Variants in ZFYVE26 observed in about 807,000 individuals in gnomAD.
The protein encoded by ZFYVE26 is zinc finger FYVE domain-containing protein 26.
Under a neutral mutation model 276.5 loss-of-function variants are expected in ZFYVE26, and 181 were observed. The ratio of observed to expected loss-of-function variants is 0.65; its 90% CI spans 0.58 to 0.74. The LOEUF is 0.74. Ranked by LOEUF, ZFYVE26 falls within the 30% of genes least tolerant of loss-of-function variation. The pLI, the probability that ZFYVE26 is intolerant of heterozygous loss-of-function variation, is 0.00. For missense variants in ZFYVE26, 2,821 were observed against 3,097.9 expected, an observed-to-expected ratio of 0.91 and a Z score of 2.12; for synonymous variants, 1,129 against 1,203.1, an observed-to-expected ratio of 0.94 and a Z score of 1.27.
chr14:67,742,842 T>C (rs867396371), downstream of ZFYVE26, among the ~76,000 whole-genome samples: 129 of 69,098 alleles, frequency 1.9e-3, no homozygotes, highest in South Asian at 0.021. Flanking sequence ...CTTCTTCTTT[T>C]TTTTTTTTTT....
rs148552744 is a variant in ZFYVE26 at position 67,782,888 on chromosome 14, C to T, written c.4264G>A (p.Val1422Met). ...AGGGCCCGGGACCAATCTCTGGCCA[C>T]CAAGGATTCCTCAAAAGCCTCACTC... ...VLSEAFEESL[V>M]ARDWSRALQL... is the part of the protein sequence containing the mutation. Residue 1422 changes from valine (V) to methionine (M), a missense_variant, in exon 21 of 42, where the codon GTG (valine) becomes ATG (methionine). By Grantham distance (21) the Val-to-Met change is conservative. Coordinates refer to ENST00000347230, the MANE Select transcript of ZFYVE26 (RefSeq NM_015346.4). The T allele has an allele frequency of 4.6e-4, 744 of 1,614,214 alleles. 4 individuals are homozygous for T. The African/African-American group carries it at 9.0e-3, about 20-fold the overall frequency.
intron 13 of ZFYVE26, among the ~76,000 whole-genome samples, chr14:67,737,159 G>A (rs746923540): frequency 6.7e-6 from 1 of 148,874 alleles, no homozygotes. Context: ...GAATTCCTGG[G>A]CTCAAGCAAT....
At position 67,786,837 on chromosome 14, in the gene ZFYVE26, C is replaced by T. The variant is rs1323493297; in HGVS notation, c.3020-604G>A. 2.6e-5 allele frequency among the ~76,000 whole-genome samples: 4 copies of T among 152,180 alleles called. No homozygotes were observed. The South Asian group carries it at 6.2e-4, about 24-fold the overall frequency. ...ATAAAGAAAATGTGATACATATACA[C>T]AATGGAGTACTATACAGTTATGGAA... is the stretch of plus-strand genomic sequence containing the variant. On this transcript the variant is annotated intron_variant, in intron 16 of 41. Transcript: ENST00000347230.
Position 67,807,654 on chromosome 14 carries a change from C to G in ZFYVE26, c.630G>C (p.Val210=), listed in dbSNP as rs769763847. The part of the protein sequence containing the change: ...ALRALQGPDS[V]PPGVVDAIYG... ...AGATGGCATCGACTACCCCAGGGGG[C>G]ACCGAATCAGGGCCCTGCAAAGCCC... Residue 210 remains valine (V), a synonymous_variant, in exon 5 of 42, where the codon GTG becomes GTC. Transcript: ENST00000347230. 1 of 1,614,180 alleles carries G rather than the reference C, an allele frequency of 6.2e-7. No individual in the cohort carries two copies.
intron 13 of ZFYVE26, among the ~76,000 whole-genome samples, chr14:67,738,807 T>TC (rs758648567): frequency 5.9e-5 from 9 of 152,192 alleles, no homozygotes; most frequent in Non-Finnish European, 1.0e-4. Context: ...TGTCACCCAG[T>TC]AGTCATTCCC....
At chr14:67,789,713 T>C in intron 15 of ZFYVE26, 115 bp from the exon 16 acceptor site, 1 of 1,355,322 alleles carries the variant, frequency 7.4e-7, no homozygotes, top group South Asian at 1.2e-5. Flanking sequence ...ACAGGGTATC[T>C]TTCATGTATA....
intron 13 of ZFYVE26, among the ~76,000 whole-genome samples, chr14:67,740,621 T>A (rs2038405697): frequency 6.6e-6 from 1 of 152,200 alleles, no homozygotes; most frequent in Admixed American, 6.5e-5. Context: ...CCTACCAGTT[T>A]AAAAGTGCCA....
chr14:67,753,651 G>T (rs567933524), intron 39 of ZFYVE26, 56 bp downstream of exon 39: 1 of 1,551,712 alleles, frequency 6.4e-7, no homozygotes, highest in South Asian at 1.1e-5. Context: ...ATCTCTCCCG[G>T]AACTGTGGTC....
chr14:67,797,838 G>A, intron 11 of ZFYVE26, 83 bp from the exon 12 acceptor site: 1 of 1,583,952 alleles, frequency 6.3e-7, no homozygotes, highest in Non-Finnish European at 8.6e-7. Flanking sequence ...GTTGGGGAAG[G>A]TTTGCACTGG....
intron 2 of ZFYVE26, among the ~76,000 whole-genome samples, chr14:67,814,288 G>C: frequency 6.6e-6 from 1 of 152,170 alleles, no homozygotes; most frequent in East Asian, 1.9e-4. Context: ...GGAGGCTGAG[G>C]TGGGTGGATC....
At chr14:67,775,746 T>C (rs1390866103) in intron 26 of ZFYVE26, 114 bp downstream of exon 26, 1 of 1,453,832 alleles carries the variant, frequency 6.9e-7, no homozygotes, top group Non-Finnish European at 9.6e-7. Context: ...CTGAAGTGTA[T>C]TCATTCACTC....
intron 6 of ZFYVE26, among the ~76,000 whole-genome samples, chr14:67,805,944 T>C (rs1397321972): frequency 6.6e-6 from 1 of 152,134 alleles, no homozygotes; most frequent in African/African-American, 2.4e-5. Context: ...GGAGAATCGC[T>C]TGAACCCAGG....
Position 67,782,781 on chromosome 14 carries a change from A to G in ZFYVE26, c.4371T>C (p.Cys1457=), listed in dbSNP as rs2039534378. The change falls in exon 21 of 42, where the codon TGT becomes TGC. Residue 1457 remains cysteine (C), a splice_region_variant and synonymous_variant. Coordinates refer to ENST00000347230, the MANE Select transcript of ZFYVE26 (RefSeq NM_015346.4). ...KDAVLSCAVA[C]DKEGWQYLFP... ...AGGGAGGCATAGCATTCTGCTCACCACATGCCACAGCACAGCTCAGGACTG... is the reference window on the plus strand; with the variant it reads ...AGGGAGGCATAGCATTCTGCTCACCGCATGCCACAGCACAGCTCAGGACTG... 1.2e-6 allele frequency: 2 copies of G among 1,614,062 alleles called. No individual in the cohort carries two copies. Among genetic ancestry groups the G allele is most frequent in the Non-Finnish European group, 1.7e-6 (2 of 1,180,050 alleles).
intron 12 of ZFYVE26, among the ~76,000 whole-genome samples, chr14:67,795,867 T>G (rs1028999227): frequency 4.6e-5 from 7 of 152,132 alleles, no homozygotes; most frequent in African/African-American, 1.7e-4. Flanking sequence ...AAATGGACCT[T>G]AGACATTAGG....
chr14:67,797,616 A>G, intron 12 of ZFYVE26, 56 bp downstream of exon 12: 1 of 1,561,972 alleles, frequency 6.4e-7, no homozygotes, highest in Non-Finnish European at 8.8e-7. Context: ...AAAGAGTATT[A>G]GACAAGCAGC....
chr14:67,805,144 A>G, intron 8 of ZFYVE26, 73 bp downstream of exon 8: 1 of 1,457,438 alleles, frequency 6.9e-7, no homozygotes, highest in Non-Finnish European at 9.5e-7. Context: ...AACGCCTTGA[A>G]ATGGCCACAC....
At chr14:67,809,328 T>G in intron 3 of ZFYVE26, 39 bp from the exon 4 acceptor site, 5 of 1,402,828 alleles carry the variant, frequency 3.6e-6, no homozygotes, top group Non-Finnish European at 5.1e-6. Context: ...AGATGAGATA[T>G]ATGTTTTAGT....
At chr14:67,757,818 G>A (rs977646723) in intron 35 of ZFYVE26, among the ~76,000 whole-genome samples, 3 of 152,004 alleles carry the variant, frequency 2.0e-5, no homozygotes, top group South Asian at 2.1e-4. Flanking sequence ...GGGTTCAAGC[G>A]ATTCTCCTGC....
In ZFYVE26 at chr14:67,789,606, C is replaced by T; in HGVS notation, c.2756-8G>A. The T allele has an allele frequency of 6.2e-7, 1 of 1,614,078 alleles. No homozygotes were observed. Among genetic ancestry groups the T allele is most frequent in the Non-Finnish European group, 8.5e-7 (1 of 1,180,046 alleles). The stretch of plus-strand genomic sequence containing the variant: ...TAGAGTAAAACACCATTCCTGGCCG[C>T]CCAGCAGAGGAATAAAAAGCAAAGG... On this transcript the variant is annotated splice_polypyrimidine_tract_variant and splice_region_variant and intron_variant, in intron 15 of 41. Coordinates refer to ENST00000347230, the MANE Select transcript of ZFYVE26 (RefSeq NM_015346.4).
Sources: allele counts gnomAD v4.1 joint callset (sites outside exome capture counted in the v4.1 genomes callset), GRCh38; gene constraint gnomAD v4.1.1; transcripts MANE v1.5; gene names NCBI Gene and HGNC (gene_info 2026-07-23, HGNC 2026-07-21).